NCMAP: variants seen among roughly 807,000 people sequenced by gnomAD.
NCMAP encodes noncompact myelin-associated protein.
Under a neutral mutation model 7.8 loss-of-function variants are expected in NCMAP, and 8 were observed. The ratio of observed to expected loss-of-function variants is 1.02; its 90% CI spans 0.60 to 1.84. NCMAP has a LOEUF of 1.84. Ranked by LOEUF, NCMAP falls within the 40% of genes most tolerant of loss-of-function variation. The pLI is 0.00. For missense variants in NCMAP, 112 were observed against 131.4 expected (o/e 0.85, Z 0.72); for synonymous variants, 41 against 52.9 (o/e 0.78, Z 0.98).
At chr1:24,591,030 G>A (rs951648555) in intron 1 of NCMAP, among the ~76,000 whole-genome samples, 2 of 152,008 alleles carry the variant, frequency 1.3e-5, no homozygotes, top group African/African-American at 4.8e-5. Flanking sequence ...CCCTTGCACG[G>A]CGAAGGAGAG....
In NCMAP at chr1:24,564,513, C is replaced by CAAAAAAAA. The variant is rs1184189345; in HGVS notation, c.-8+8356_-8+8363dup. ...TGGGCAACAGAGTGAGATTCTGTCT[C>CAAAAAAAA]AAAAAAAAAAAAAAAAAAACAAAAA... On this transcript the variant is annotated intron_variant, in intron 1 of 3. Transcript: ENST00000374392. Among the ~76,000 whole-genome samples, 9 of 50,012 alleles carry CAAAAAAAA rather than the reference C, an allele frequency of 1.8e-4. 1 individual carries two copies. Among genetic ancestry groups the CAAAAAAAA allele is most frequent in the Non-Finnish European group, 2.5e-4 (8 of 31,796 alleles). The allele number at this position is 50,012 out of a possible 152,430, so 32.8% of individuals were successfully genotyped here.
rs1169263498 is a variant in NCMAP at position 24,604,242 on chromosome 1, C to T, written c.168-1364C>T. 5.9e-5 allele frequency among the ~76,000 whole-genome samples: 9 copies of T among 152,174 alleles called. No homozygotes were observed. In the East Asian group the frequency reaches 1.5e-3, roughly 26 times the overall value. On this transcript the variant is annotated intron_variant, in intron 3 of 3. Coordinates refer to ENST00000374392, the MANE Select transcript of NCMAP (RefSeq NM_001010980.5). The stretch of plus-strand genomic sequence containing the variant: ...CAAGAGTATTAGAGTATTAACTGTA[C>T]TATTTGTGCAACTTCCCTGAAGATT...
intron 1 of NCMAP, among the ~76,000 whole-genome samples, chr1:24,561,480 A>G (rs936810687): frequency 1.3e-5 from 2 of 152,178 alleles, no homozygotes; most frequent in African/African-American, 4.8e-5. Flanking sequence ...GTGGGACCCT[A>G]AAAGTAATCT....
chr1:24,575,552 C>T (rs6424108), intron 1 of NCMAP, among the ~76,000 whole-genome samples: 99,860 of 151,966 alleles, frequency 0.66, 33,191 homozygotes, highest in African/African-American at 0.75. Flanking sequence ...TCCATCTGAG[C>T]CCAAACCCTT....
rs896766588 is a variant in NCMAP at position 24,576,652 on chromosome 1, C to A, written c.-7-18772C>A. Among the ~76,000 whole-genome samples, 1 of 152,138 alleles carries A rather than the reference C, an allele frequency of 6.6e-6. No homozygotes were observed. The highest frequency in any genetic ancestry group is 1.5e-5 in the Non-Finnish European group (1 of 68,020). ...AGGGCAAACTGCAGTCCAGACAGAA[C>A]AAGTGGCCTGCCCCAGGTCACACAG... On this transcript the variant is annotated intron_variant, in intron 1 of 3. Coordinates refer to ENST00000374392, the MANE Select transcript of NCMAP (RefSeq NM_001010980.5). This position sits in a 1 kb window ranked among gnomAD's most constrained non-coding sequence, Gnocchi z 4.0.
At chr1:24,570,549 C>G (rs975754646) in intron 1 of NCMAP, among the ~76,000 whole-genome samples, 2 of 150,942 alleles carry the variant, frequency 1.3e-5, no homozygotes, top group Non-Finnish European at 2.9e-5. Context: ...GCGCTTAGAA[C>G]TAAGTACATA....
At chr1:24,571,975 G>A (rs1280568498) in intron 1 of NCMAP, among the ~76,000 whole-genome samples, 1 of 150,856 alleles carries the variant, frequency 6.6e-6, no homozygotes, top group African/African-American at 2.5e-5. Flanking sequence ...AAAATACATT[G>A]TAACTCACAG....
chr1:24,602,001 A>C (rs1170205059), intron 3 of NCMAP, among the ~76,000 whole-genome samples: 3 of 151,526 alleles, frequency 2.0e-5, no homozygotes, highest in Non-Finnish European at 4.4e-5. Flanking sequence ...AGATCGCGCC[A>C]CTGCACTCCA....
Position 24,605,742 on chromosome 1 carries a change from C to A in NCMAP, c.304C>A (p.Arg102=), listed in dbSNP as rs200215656. 2 of 1,614,164 alleles carry A rather than the reference C, an allele frequency of 1.2e-6. No individual in the cohort carries two copies. Among genetic ancestry groups the A allele is most frequent in the Non-Finnish European group, 1.7e-6 (2 of 1,180,016 alleles). Residue 102 remains arginine, a synonymous_variant, in exon 4 of 4, where the codon CGA becomes AGA. Transcript: ENST00000374392. ...FSPVDVQVET[R] is the part of the protein sequence containing the mutation. ...TCCTGTTGACGTCCAGGTGGAGACG[C>A]GATGACCTCTACCCTGGCGCTATCT...
rs1651175014 is a variant in NCMAP at position 24,564,852 on chromosome 1, T to TA, written c.-8+8686dup. Among the ~76,000 whole-genome samples the TA allele has an allele frequency of 3.3e-5, 5 of 152,164 alleles. No homozygotes were observed. The South Asian group carries it at 8.3e-4, about 25-fold the overall frequency. On this transcript the variant is annotated intron_variant, in intron 1 of 3. Transcript: ENST00000374392. ...TATTCTTCTCAACAGCAATACCCGA[T>TA]AAAGTCAAAGAAGTGATGTCACTAG...
intron 1 of NCMAP, among the ~76,000 whole-genome samples, chr1:24,570,935 G>A (rs560064152): frequency 4.0e-5 from 6 of 150,884 alleles, no homozygotes; most frequent in Admixed American, 6.5e-5. Context: ...CTTACCACCC[G>A]GTCATAATTA....
intron 2 of NCMAP, among the ~76,000 whole-genome samples, chr1:24,597,522 G>A (rs1482311769): frequency 6.0e-5 from 2 of 33,310 alleles, no homozygotes; most frequent in Admixed American, 6.0e-4. Context: ...AGAAGGAAGG[G>A]GGGGGGGGAG....
rs548205248 is a variant in NCMAP at position 24,574,230 on chromosome 1, T to C, written c.-8+18061T>C. ...GCTTCCTGGGTTGAAGTGATTCTCC[T>C]GCCTCAGACTGCTGAGTAGCTGGAA... On this transcript the variant is annotated intron_variant, in intron 1 of 3. Coordinates refer to ENST00000374392, the MANE Select transcript of NCMAP (RefSeq NM_001010980.5). Among the ~76,000 whole-genome samples, 31 of 150,568 alleles carry C rather than the reference T, an allele frequency of 2.1e-4. 2 individuals carry two copies. The highest frequency in any genetic ancestry group is 6.8e-4 in the African/African-American group (27 of 39,934).
At chr1:24,564,523 AAAAAAAAAAC>A (rs1288628934) in intron 1 of NCMAP, among the ~76,000 whole-genome samples, 17 of 148,538 alleles carry the variant, frequency 1.1e-4, no homozygotes, top group African/African-American at 3.0e-4. Context: ...CAAAAAAAAA[AAAAAAAAAAC>A]AAAAAAAAAC....
At chr1:24,579,413 C>T (rs1651684171) in intron 1 of NCMAP, among the ~76,000 whole-genome samples, 3 of 151,934 alleles carry the variant, frequency 2.0e-5, no homozygotes, top group Admixed American at 2.0e-4. Context: ...GTCTTTTCTC[C>T]TCTCCTTGGC....
intron 2 of NCMAP, 87 bp downstream of exon 2, chr1:24,595,599 G>A: frequency 9.4e-7 from 1 of 1,060,712 alleles, no homozygotes; most frequent in Middle Eastern, 2.1e-4. Flanking sequence ...TGTGGGCTCT[G>A]GAGGTGGACT....
intron 3 of NCMAP, 58 bp from the exon 4 acceptor site, chr1:24,605,548 C>T: frequency 6.3e-7 from 1 of 1,586,800 alleles, no homozygotes; most frequent in South Asian, 1.1e-5. Context: ...TCGCAGAGCC[C>T]ATTCCCCGCG....
chr1:24,574,292 T>G (rs1651482411), intron 1 of NCMAP, among the ~76,000 whole-genome samples: 2 of 150,784 alleles, frequency 1.3e-5, no homozygotes, highest in Non-Finnish European at 2.9e-5. Context: ...CTAATTTTTG[T>G]ACTTTTAGTA....
In NCMAP at chr1:24,604,044, A is replaced by G. The variant is rs149581853; in HGVS notation, c.168-1562A>G. On this transcript the variant is annotated intron_variant, in intron 3 of 3. Transcript: ENST00000374392. Reference sequence around the variant, plus strand: ...GGGCAAAGAGAGAGCCAGAGAGAGCAAGAGATCAAATTCACAGCCTAAGAA... The same window carrying G: ...GGGCAAAGAGAGAGCCAGAGAGAGCGAGAGATCAAATTCACAGCCTAAGAA... Among the ~76,000 whole-genome samples the G allele has an allele frequency of 8.8e-3, 1,333 of 152,340 alleles. 21 individuals are homozygous for G. Among genetic ancestry groups the G allele is most frequent in the African/African-American group, 0.03 (1,250 of 41,576 alleles).
Sources: gnomAD v4.1 joint callset for allele counts (sites outside exome capture counted in the v4.1 genomes callset) on GRCh38, gnomAD v4.1.1 for gene constraint, Gnocchi (gnomAD v3.1) non-coding constraint, MANE v1.5 for transcripts, NCBI Gene and HGNC (gene_info 2026-07-23, HGNC 2026-07-21) for gene names.